The following RABGAP1L variants were observed in gnomAD, a reference collection of about 807,000 sequenced individuals.
RABGAP1L encodes the protein rab GTPase-activating protein 1-like.
A neutral mutation model predicts 137.7 loss-of-function variants in RABGAP1L; 63 were observed. The ratio of observed to expected loss-of-function variants is 0.46; its 90% CI spans 0.37 to 0.56. RABGAP1L has a LOEUF of 0.56. Ranked by LOEUF, RABGAP1L falls within the 20% of genes least tolerant of loss-of-function variation. RABGAP1L has a pLI of 0.00. For missense variants in RABGAP1L, 1,095 were observed against 1,244.0 expected (o/e 0.88, Z 1.80); for synonymous variants, 431 against 433.7 (o/e 0.99, Z 0.08).
intron 13 of RABGAP1L, among the ~76,000 whole-genome samples, chr1:174,587,633 T>C (rs1357923518): frequency 6.6e-6 from 1 of 151,946 alleles, no homozygotes; most frequent in Non-Finnish European, 1.5e-5. Flanking sequence ...ATTAAAAGAA[T>C]AAAATAATGT....
chr1:174,865,179 A>C (rs774231614), intron 19 of RABGAP1L, among the ~76,000 whole-genome samples: 4 of 152,222 alleles, frequency 2.6e-5, no homozygotes, highest in Non-Finnish European at 5.9e-5. Flanking sequence ...ATATATTAGC[A>C]GTAAAAAGAA....
intron 11 of RABGAP1L, among the ~76,000 whole-genome samples, chr1:174,366,414 C>T (rs1265046593): frequency 1.3e-5 from 2 of 152,154 alleles, no homozygotes; most frequent in Non-Finnish European, 2.9e-5. Context: ...TATGCATTTA[C>T]AGCCTTTAAA....
chr1:174,828,347 G>C (rs969691384), intron 19 of RABGAP1L, among the ~76,000 whole-genome samples: 2 of 147,984 alleles, frequency 1.4e-5, no homozygotes, highest in Non-Finnish European at 3.0e-5. Context: ...TCACTCCTCA[G>C]AGGACACTGA....
At chr1:174,690,222 TG>T (rs1401465966) in intron 15 of RABGAP1L, among the ~76,000 whole-genome samples, 2 of 152,208 alleles carry the variant, frequency 1.3e-5, no homozygotes, top group East Asian at 3.8e-4. Flanking sequence ...TATATGGCTT[TG>T]GGCAAGTTTC....
chr1:174,945,234 A>G (rs562238200), intron 19 of RABGAP1L, among the ~76,000 whole-genome samples: 316 of 152,350 alleles, frequency 2.1e-3, no homozygotes, highest in African/African-American at 7.3e-3. Context: ...ACATGTAACC[A>G]GATTTAATGC....
chr1:174,815,811 A>G (rs1352861458), intron 19 of RABGAP1L, among the ~76,000 whole-genome samples: 1 of 152,210 alleles, frequency 6.6e-6, no homozygotes, highest in East Asian at 1.9e-4. Context: ...TTATTCTAAT[A>G]CCCTTCTGTT....
intron 5 of RABGAP1L, among the ~76,000 whole-genome samples, chr1:174,241,869 G>A (rs148425348): frequency 4.6e-5 from 7 of 152,304 alleles, no homozygotes; most frequent in East Asian, 3.9e-4. Context: ...AGCAGTTGTC[G>A]TAGAAAAATA....
At chr1:174,934,596 G>A (rs1664428080) in intron 19 of RABGAP1L, among the ~76,000 whole-genome samples, 1 of 151,804 alleles carries the variant, frequency 6.6e-6, no homozygotes, top group African/African-American at 2.4e-5. Flanking sequence ...TTTGAGACCA[G>A]TTGGGCAGCA....
chr1:174,402,452 C>G (rs992287821), intron 13 of RABGAP1L, among the ~76,000 whole-genome samples: 3 of 152,154 alleles, frequency 2.0e-5, no homozygotes, highest in Non-Finnish European at 4.4e-5. Flanking sequence ...TCAGGAAACA[C>G]ATATAAACCT....
At chr1:174,654,002 G>T (rs1400025945) in intron 14 of RABGAP1L, among the ~76,000 whole-genome samples, 1 of 152,154 alleles carries the variant, frequency 6.6e-6, no homozygotes, top group African/African-American at 2.4e-5. Flanking sequence ...AATAGGGAAG[G>T]AGCTGGGAGA....
chr1:174,204,677 G>C (rs556168763), intron 1 of RABGAP1L, among the ~76,000 whole-genome samples: 1 of 152,234 alleles, frequency 6.6e-6, no homozygotes, highest in East Asian at 1.9e-4. Context: ...ATCTCATATT[G>C]AATTGTAATC....
intron 18 of RABGAP1L, among the ~76,000 whole-genome samples, chr1:174,760,271 T>C (rs531841024): frequency 6.6e-6 from 1 of 152,302 alleles, no homozygotes; most frequent in East Asian, 1.9e-4. Flanking sequence ...GTATACAGAT[T>C]ATTTCTTCAC....
intron 13 of RABGAP1L, among the ~76,000 whole-genome samples, chr1:174,445,271 C>T (rs552091923): frequency 1.3e-5 from 2 of 152,162 alleles, no homozygotes; most frequent in Admixed American, 6.5e-5. Context: ...TGTAGTAAGT[C>T]AAAATAATCA....
intron 20 of RABGAP1L, among the ~76,000 whole-genome samples, chr1:174,967,006 T>C (rs942889240): frequency 6.6e-6 from 1 of 152,160 alleles, no homozygotes; most frequent in African/African-American, 2.4e-5. Flanking sequence ...TGAAAACATT[T>C]TTAAAAGAAC....
chr1:174,729,498 C>T (rs1185564560), intron 17 of RABGAP1L, among the ~76,000 whole-genome samples: 1 of 152,120 alleles, frequency 6.6e-6, no homozygotes, highest in Non-Finnish European at 1.5e-5. Flanking sequence ...TAAAGAGCCT[C>T]TGCACAGCAA....
intron 10 of RABGAP1L, among the ~76,000 whole-genome samples, chr1:174,292,036 T>C (rs889969861): frequency 6.8e-6 from 1 of 147,372 alleles, no homozygotes; most frequent in Non-Finnish European, 1.5e-5. Flanking sequence ...TTATTATTAT[T>C]ATTATTATTA....
intron 7 of RABGAP1L, among the ~76,000 whole-genome samples, chr1:174,260,518 G>A (rs1404756462): frequency 6.6e-6 from 1 of 152,194 alleles, no homozygotes; most frequent in East Asian, 1.9e-4. Context: ...TGTGAGGAGT[G>A]GTAGGGCAAA....
At chr1:174,182,211 T>G (rs1666429135) in intron 1 of RABGAP1L, among the ~76,000 whole-genome samples, 1 of 152,106 alleles carries the variant, frequency 6.6e-6, no homozygotes, top group Non-Finnish European at 1.5e-5. Flanking sequence ...TTCAGGGCTA[T>G]GGGAAGAAAC....
intron 19 of RABGAP1L, among the ~76,000 whole-genome samples, chr1:174,920,369 T>A (rs6656665): frequency 2.0e-5 from 3 of 151,926 alleles, no homozygotes; most frequent in African/African-American, 4.8e-5. Flanking sequence ...TTAAAACCAT[T>A]AGAACTTGTA....
Sources: allele counts gnomAD v4.1 joint callset (sites outside exome capture counted in the v4.1 genomes callset), GRCh38; gene constraint gnomAD v4.1.1; transcripts MANE v1.5; gene names NCBI Gene and HGNC (gene_info 2026-07-23, HGNC 2026-07-21).